Variants in MMP10 observed in about 807,000 individuals in gnomAD.
MMP10 encodes stromelysin-2.
In MMP10, 50 loss-of-function variants were observed where a neutral mutation model predicts 49.1. The observed-to-expected ratio is 1.02, with a 90% CI of 0.81 to 1.29. MMP10 has a LOEUF of 1.29. Among genes scored for constraint, MMP10 ranks in the 50% most tolerant of loss-of-function variants. MMP10 has a pLI of 0.00. For missense variants in MMP10, 613 were observed against 563.8 expected (o/e 1.09, Z -0.88); for synonymous variants, 229 against 201.6 (o/e 1.14, Z -1.15).
Position 102,779,193 on chromosome 11 carries a change from T to A in MMP10, c.496+20A>T. 1 of 1,611,632 alleles carries A rather than the reference T, an allele frequency of 6.2e-7. No individual in the cohort carries two copies. Among genetic ancestry groups the A allele is most frequent in the Non-Finnish European group, 8.5e-7 (1 of 1,179,704 alleles). The stretch of plus-strand genomic sequence containing the variant: ...TGAACAGATGAATACACCAGATAAA[T>A]GGATGCTTTATTTGATTACCTTTAA... On this transcript the variant is annotated intron_variant, in intron 3 of 9. Coordinates refer to ENST00000279441, the MANE Select transcript of MMP10 (RefSeq NM_002425.3).
intron 7 of MMP10, 23 bp downstream of exon 7, chr11:102,775,165 T>C (rs766643749): frequency 7.6e-5 from 111 of 1,468,622 alleles, no homozygotes; most frequent in Non-Finnish European, 7.4e-5. Flanking sequence ...TCCAGCAAGT[T>C]GAAATTCTTA....
intron 7 of MMP10, 112 bp downstream of exon 7, chr11:102,775,076 G>A: frequency 1.3e-6 from 1 of 768,678 alleles, no homozygotes; most frequent in Non-Finnish European, 1.8e-6. Flanking sequence ...TTAAGTGTTA[G>A]CACAAGGTCT....
chr11:102,771,440 T>G (rs966018137), intron 9 of MMP10, among the ~76,000 whole-genome samples: 1 of 152,212 alleles, frequency 6.6e-6, no homozygotes, highest in Non-Finnish European at 1.5e-5. Context: ...TGTCAAGCAC[T>G]GGCAGCTCCC....
In MMP10 at chr11:102,772,760, T is replaced by G. The variant is rs2134347897; in HGVS notation, c.1226+87A>C. ...TTTGAAGTTAGAGAAAGTTAGAGGG[T>G]GGGTGTAGGGTAGGGAAATATCCTT... On this transcript the variant is annotated intron_variant, in intron 8 of 9. Transcript: ENST00000279441. This position sits in a 1 kb window ranked among gnomAD's most constrained non-coding sequence, Gnocchi z 4.4. 1 of 1,326,742 alleles carries G rather than the reference T, an allele frequency of 7.5e-7. No individual in the cohort carries two copies. Among genetic ancestry groups the G allele is most frequent in the African/African-American group, 1.5e-5 (1 of 67,530 alleles). The allele number at this position is 1,326,742 out of a possible 1,614,324, so 82.2% of individuals were successfully genotyped here. A position where few individuals can be genotyped will look rare whatever the true frequency, so the allele number is the denominator to read the frequency against.
chr11:102,778,568 T>C, intron 4 of MMP10, 56 bp downstream of exon 4: 1 of 1,587,820 alleles, frequency 6.3e-7, no homozygotes, highest in South Asian at 1.1e-5. Flanking sequence ...ATCCAATTAT[T>C]TTTGGGTAGG....
At chr11:102,773,541 T>G (rs984633834) in intron 7 of MMP10, among the ~76,000 whole-genome samples, 2 of 152,238 alleles carry the variant, frequency 1.3e-5, no homozygotes, top group African/African-American at 4.8e-5. Context: ...TTCTTCGCAC[T>G]CACTGCCAGA....
At position 102,779,210 on chromosome 11, in the gene MMP10, T is replaced by C; in HGVS notation, c.496+3A>G. 6.2e-7 allele frequency: 1 copy of C among 1,612,308 alleles called. No homozygotes were observed. The highest frequency in any genetic ancestry group is 2.2e-5 in the East Asian group (1 of 44,874). ...CAGATAAATGGATGCTTTATTTGAT[T>C]ACCTTTAACTGCAAAAGAGATCATT... is the stretch of plus-strand genomic sequence containing the variant. On this transcript the variant is annotated splice_donor_region_variant and intron_variant, in intron 3 of 9. Coordinates refer to ENST00000279441, the MANE Select transcript of MMP10 (RefSeq NM_002425.3).
chr11:102,780,006 A>G (rs1857803615), intron 1 of MMP10, among the ~76,000 whole-genome samples: 1 of 152,202 alleles, frequency 6.6e-6, no homozygotes, highest in Admixed American at 6.5e-5. Flanking sequence ...CCCTCTTTTA[A>G]CATAGTTTTG....
intron 3 of MMP10, 73 bp downstream of exon 3, chr11:102,779,140 C>A: frequency 6.4e-7 from 1 of 1,550,918 alleles, no homozygotes; most frequent in Non-Finnish European, 8.7e-7. Context: ...ATAAATTACC[C>A]AGTCTAAGGT....
chr11:102,777,097 C>G (rs1857752090), intron 4 of MMP10, among the ~76,000 whole-genome samples: 1 of 152,036 alleles, frequency 6.6e-6, no homozygotes, highest in Non-Finnish European at 1.5e-5. Context: ...AAGGACAAGA[C>G]TAATAGCATG....
rs1857796513 is a variant in MMP10 at position 102,779,598 on chromosome 11, C to T, written c.253G>A (p.Val85Met). The T allele has an allele frequency of 1.9e-6, 3 of 1,614,084 alleles. No homozygotes were observed. Among genetic ancestry groups the T allele is most frequent in the East Asian group, 4.5e-5 (2 of 44,886 alleles). ...TGKLDTDTLE[V>M]MRKPRCGVPD... Reference sequence around the variant, plus strand: ...ACTCCACACCTGGGCTTGCGCATCACCTCCAGAGTGTCAGTGTCTAGCTTC... The same window carrying T: ...ACTCCACACCTGGGCTTGCGCATCATCTCCAGAGTGTCAGTGTCTAGCTTC... Residue 85 changes from valine to methionine, a missense_variant, in exon 2 of 10, where the codon GTG becomes ATG. Transcript: ENST00000279441.
rs1861983972 is a variant in MMP10, at chr11:102,772,362, T to C, written c.1227-247A>G. 6.6e-6 allele frequency among the ~76,000 whole-genome samples: 1 copy of C among 152,242 alleles called. No individual in the cohort carries two copies. The highest frequency in any genetic ancestry group is 6.5e-5 in the Admixed American group (1 of 15,278). On this transcript the variant is annotated intron_variant, in intron 8 of 9. Transcript: ENST00000279441. The surrounding 1 kb of genome is among the most constrained non-coding windows in gnomAD (Gnocchi z 4.4). ...ATTTTACAGAGGTTCCATACATATG[T>C]CTGAGGTAAATTTTCTAAGCCTGGA... is the stretch of plus-strand genomic sequence containing the variant.
At position 102,772,482 on chromosome 11, in the gene MMP10, G is replaced by C. The variant is rs897306976; in HGVS notation, c.1226+365C>G. 6.6e-6 allele frequency among the ~76,000 whole-genome samples: 1 copy of C among 152,146 alleles called. No individual in the cohort carries two copies. The highest frequency in any genetic ancestry group is 1.5e-5 in the Non-Finnish European group (1 of 68,034). On this transcript the variant is annotated intron_variant, in intron 8 of 9. Coordinates refer to ENST00000279441, the MANE Select transcript of MMP10 (RefSeq NM_002425.3). This position sits in a 1 kb window ranked among gnomAD's most constrained non-coding sequence, Gnocchi z 4.4. ...AATGCAAAATTAATTAAATCACTTA[G>C]CTAAAAATAAACCTCTGGTTCTCAG...
intron 9 of MMP10, among the ~76,000 whole-genome samples, 168 bp downstream of exon 9, chr11:102,771,844 A>C (rs962124023): frequency 1.4e-5 from 2 of 139,742 alleles, no homozygotes; most frequent in Non-Finnish European, 3.2e-5. Flanking sequence ...CACACACACA[A>C]ATTTAAACCC....
intron 6 of MMP10, 118 bp downstream of exon 6, chr11:102,776,162 C>T (rs113734910): frequency 3.5e-6 from 3 of 855,864 alleles, no homozygotes; most frequent in Non-Finnish European, 5.3e-6. Context: ...ATATAACAAA[C>T]CTGCACATGT....
intron 7 of MMP10, 31 bp from the exon 8 acceptor site, chr11:102,773,037 C>T: frequency 6.4e-7 from 1 of 1,561,994 alleles, no homozygotes; most frequent in Non-Finnish European, 8.6e-7. Context: ...AGACATTTTA[C>T]TTGAAGCCAT....
Position 102,770,806 on chromosome 11 carries a change from C to T in MMP10, c.1418G>A (p.Trp473Ter), listed in dbSNP as rs765774243. 3.7e-6 allele frequency: 6 copies of T among 1,604,350 alleles called. No homozygotes were observed. Among genetic ancestry groups the T allele is most frequent in the Non-Finnish European group, 2.6e-6 (3 of 1,173,792 alleles). ...CCCCTATCTCGCCTAGCAATGTAAC[C>T]AGCTGTTACTCTTTAATATGTGTGT... is the stretch of plus-strand genomic sequence containing the variant. Reference protein sequence around the residue: ...MVTHILKSNSWLHC With the variant: ...MVTHILKSNS The change falls in exon 10 of 10, where the codon TGG becomes TAG. Residue 473 changes from tryptophan (W) to a stop codon, truncating the protein, a stop_gained. Coordinates refer to ENST00000279441, the MANE Select transcript of MMP10 (RefSeq NM_002425.3). LOFTEE classifies it high-confidence loss of function.
chr11:102,772,955 C>G lies in MMP10; in HGVS notation c.1118G>C (p.Arg373Thr). The change falls in exon 8 of 10, where the codon AGA becomes ACA. Residue 373 changes from arginine (R) to threonine (T), a missense_variant. Physicochemically the swap from Arg to Thr is moderately conservative, Grantham distance 71 (BLOSUM62 -1). Transcript: ENST00000279441. This position sits in a 1 kb window ranked among gnomAD's most constrained non-coding sequence, Gnocchi z 4.4. ...RGNEVQAGYP[R>T]GIHTLGFPPT... Reference sequence around the variant, plus strand: ...AGGAAAACCCAGGGTATGGATGCCTCTTGGATAACCTGCTTGTACCTCATT... The same window carrying G: ...AGGAAAACCCAGGGTATGGATGCCTGTTGGATAACCTGCTTGTACCTCATT... 6.2e-7 allele frequency: 1 copy of G among 1,613,542 alleles called. No individual in the cohort carries two copies. Among genetic ancestry groups the G allele is most frequent in the Non-Finnish European group, 8.5e-7 (1 of 1,179,694 alleles).
intron 9 of MMP10, among the ~76,000 whole-genome samples, 163 bp from the exon 10 acceptor site, chr11:102,771,056 C>G (rs1477089824): frequency 6.6e-6 from 1 of 152,068 alleles, no homozygotes; most frequent in African/African-American, 2.4e-5. Flanking sequence ...TCTCAATTAC[C>G]CTTACAAAAA....
Sources: allele counts gnomAD v4.1 joint callset (sites outside exome capture counted in the v4.1 genomes callset), GRCh38; gene constraint gnomAD v4.1.1; non-coding constraint Gnocchi (gnomAD v3.1); transcripts MANE v1.5; gene names NCBI Gene and HGNC (gene_info 2026-07-23, HGNC 2026-07-21).